Variants in SBF2 observed in about 807,000 individuals in gnomAD.
SBF2 encodes myotubularin-related protein 13.
A neutral mutation model predicts 225.2 loss-of-function variants in SBF2; 112 were observed. That is an observed-to-expected ratio of 0.50 (90% confidence interval 0.43 to 0.58). SBF2 has a LOEUF of 0.58. SBF2 is among the 20% of genes least tolerant of loss of function. SBF2 has a pLI of 0.00. For synonymous variants in SBF2, 763 were observed against 773.3 expected (o/e 0.99, Z 0.22); for missense variants, 1,996 against 2,206.2 (o/e 0.90, Z 1.91).
intron 17 of SBF2, among the ~76,000 whole-genome samples, chr11:9,881,988 T>TA (rs555432435): frequency 3.3e-5 from 5 of 152,012 alleles, no homozygotes; most frequent in Admixed American, 1.3e-4. Flanking sequence ...ACCTTGTGTT[T>TA]AAAAAAAGAA....
intron 2 of SBF2, among the ~76,000 whole-genome samples, chr11:10,182,005 T>A (rs1391752541): frequency 1.3e-5 from 2 of 152,168 alleles, no homozygotes; most frequent in Non-Finnish European, 2.9e-5. Flanking sequence ...ACCAAATACT[T>A]CATCTTATTA....
chr11:9,927,954 A>C lies in SBF2; in HGVS notation c.1861-31943T>G, dbSNP rs141760973. ...GTCCCATACCTTATACCAAATTAAA[A>C]AGATAAACTAGAAACAGCTGAGATC... is the stretch of plus-strand genomic sequence containing the variant. On this transcript the variant is annotated intron_variant, in intron 16 of 39. Coordinates refer to ENST00000256190, the MANE Select transcript of SBF2 (RefSeq NM_030962.4). Among the ~76,000 whole-genome samples the C allele has an allele frequency of 2.9e-3, 447 of 152,312 alleles. 2 individuals are homozygous for C. The highest frequency in any genetic ancestry group is 0.014 in the Middle Eastern group (4 of 294).
At chr11:10,196,866 A>ATATATATATATATTTT in intron 1 of SBF2, among the ~76,000 whole-genome samples, 5 of 99,314 alleles carry the variant, frequency 5.0e-5, no homozygotes, top group African/African-American at 8.1e-5. Flanking sequence ...ATATATATAT[A>ATATATATATATATTTT]TTTTTTTTTT....
Position 9,853,651 on chromosome 11 carries a change from T to C in SBF2, c.2425A>G (p.Thr809Ala). The C allele has an allele frequency of 6.2e-7, 1 of 1,614,022 alleles. No homozygotes were observed. The highest frequency in any genetic ancestry group is 8.5e-7 in the Non-Finnish European group (1 of 1,179,906). ...CGCACAACAGAATTGGCAATGTCAG[T>C]ATTCTCTGAATCTTCAAACCCACTC... ...TESGFEDSEN[T>A]DIANSVVRFI... Residue 809 changes from threonine to alanine, a missense_variant, in exon 20 of 40, where the codon ACT becomes GCT. By Grantham distance (58) the Thr-to-Ala change is moderately conservative. Coordinates refer to ENST00000256190, the MANE Select transcript of SBF2 (RefSeq NM_030962.4).
At chr11:9,863,762 T>C (rs1315155872) in intron 17 of SBF2, among the ~76,000 whole-genome samples, 1 of 151,906 alleles carries the variant, frequency 6.6e-6, no homozygotes, top group African/African-American at 2.4e-5. Context: ...CTCTTTTTTT[T>C]TTTTTTTAAA....
intron 1 of SBF2, among the ~76,000 whole-genome samples, chr11:10,284,055 C>A (rs1963586452): frequency 6.6e-6 from 1 of 152,104 alleles, no homozygotes; most frequent in Non-Finnish European, 1.5e-5. Flanking sequence ...GTAAGGGTAT[C>A]TTTCTATCTT....
chr11:10,078,818 GAACA>G (rs1951239452), intron 2 of SBF2, among the ~76,000 whole-genome samples: 1 of 152,008 alleles, frequency 6.6e-6, no homozygotes. Flanking sequence ...GAGGTTTGAA[GAACA>G]GACAAGCTCT....
chr11:10,142,119 A>G (rs1453774827), intron 2 of SBF2, among the ~76,000 whole-genome samples: 1 of 152,204 alleles, frequency 6.6e-6, no homozygotes, highest in Admixed American at 6.5e-5. Context: ...TGTCATAGAT[A>G]TGAACTGTAC....
chr11:9,797,290 G>A (rs888099849), intron 32 of SBF2, among the ~76,000 whole-genome samples: 1 of 152,154 alleles, frequency 6.6e-6, no homozygotes, highest in Non-Finnish European at 1.5e-5. Flanking sequence ...TTTATCATCT[G>A]GTTAGGAACC....
intron 14 of SBF2, among the ~76,000 whole-genome samples, chr11:9,968,109 C>G (rs999449100): frequency 4.6e-5 from 7 of 151,616 alleles, no homozygotes; most frequent in Non-Finnish European, 5.9e-5. Context: ...TAACATATCT[C>G]AATAAAGCTG....
chr11:9,832,015 A>G (rs1416804372), intron 27 of SBF2, among the ~76,000 whole-genome samples: 1 of 152,234 alleles, frequency 6.6e-6, no homozygotes, highest in African/African-American at 2.4e-5. Flanking sequence ...TACAGACCAG[A>G]CATATTAAGA....
chr11:10,302,208 T>G (rs1047582284), intron 1 of SBF2, among the ~76,000 whole-genome samples: 6 of 152,256 alleles, frequency 3.9e-5, no homozygotes, highest in African/African-American at 1.4e-4. Context: ...GATTTTTTTT[T>G]GTCGTTAACG....
chr11:10,240,262 A>AAC (rs1555090510), intron 1 of SBF2, among the ~76,000 whole-genome samples: 1 of 147,518 alleles, frequency 6.8e-6, no homozygotes, highest in African/African-American at 2.6e-5. Context: ...AAAAGAACAA[A>AAC]AAAAAAAAAA....
At chr11:9,931,861 C>T (rs902413583) in intron 16 of SBF2, among the ~76,000 whole-genome samples, 31 of 152,200 alleles carry the variant, frequency 2.0e-4, no homozygotes, top group African/African-American at 6.0e-4. Flanking sequence ...TCAAACCCAT[C>T]GCAAGGAAGC....
chr11:9,992,269 A>C, intron 12 of SBF2, 146 bp downstream of exon 12: 2 of 602,256 alleles, frequency 3.3e-6, no homozygotes, highest in South Asian at 6.8e-5. Flanking sequence ...AAATATCGAG[A>C]TTTGATAAGC....
intron 2 of SBF2, among the ~76,000 whole-genome samples, chr11:10,120,475 A>T (rs1246226931): frequency 6.6e-6 from 1 of 152,172 alleles, no homozygotes; most frequent in Non-Finnish European, 1.5e-5. Context: ...CAGTAAATAT[A>T]ATTTTTTTAA....
At chr11:9,845,042 G>GTA (rs1172530475) in intron 24 of SBF2, among the ~76,000 whole-genome samples, 2 of 152,128 alleles carry the variant, frequency 1.3e-5, no homozygotes, top group African/African-American at 4.8e-5. Context: ...AAAAATATGT[G>GTA]TATATATGAG....
In SBF2 at chr11:10,294,142, G is replaced by C. The variant is rs1024571579; in HGVS notation, c.-73C>G. On this transcript the variant is annotated 5_prime_UTR_variant, in exon 1 of 40. Coordinates refer to ENST00000256190, the MANE Select transcript of SBF2 (RefSeq NM_030962.4). Reference sequence around the variant, plus strand: ...CCGCCGCCGCCCACCCGGCCCGGGAGGGCTCAGCATTTTCCCTGCAGCGGC... The same window carrying C: ...CCGCCGCCGCCCACCCGGCCCGGGACGGCTCAGCATTTTCCCTGCAGCGGC... 2.5e-6 allele frequency: 3 copies of C among 1,179,530 alleles called. No individual in the cohort carries two copies. Among genetic ancestry groups the C allele is most frequent in the African/African-American group, 3.2e-5 (2 of 61,912 alleles). 73.1% of individuals were successfully genotyped at this position (1,179,530 alleles called of 1,614,324 possible).
intron 16 of SBF2, among the ~76,000 whole-genome samples, chr11:9,905,292 G>A (rs1862034550): frequency 6.6e-6 from 1 of 152,126 alleles, no homozygotes; most frequent in African/African-American, 2.4e-5. Flanking sequence ...TTTTTATTAA[G>A]AAGCAGTTAT....
Sources: gnomAD v4.1 joint callset for allele counts (sites outside exome capture counted in the v4.1 genomes callset) on GRCh38, gnomAD v4.1.1 for gene constraint, MANE v1.5 for transcripts, NCBI Gene and HGNC (gene_info 2026-07-23, HGNC 2026-07-21) for gene names.